Variants in PDGFC observed in about 807,000 individuals in gnomAD.
The protein encoded by PDGFC is platelet derived growth factor C, also known as platelet-derived growth factor C.
Under a neutral mutation model 35.5 loss-of-function variants are expected in PDGFC, and 12 were observed. That is an observed-to-expected ratio of 0.34 (90% confidence interval 0.22 to 0.55). The LOEUF is 0.55. Among genes scored for constraint, PDGFC ranks in the 20% least tolerant of loss-of-function variants. The pLI is 0.91. For synonymous variants in PDGFC, 159 were observed against 148.8 expected, an observed-to-expected ratio of 1.07 and a Z score of -0.50; for missense variants, 322 against 412.4, an observed-to-expected ratio of 0.78 and a Z score of 1.90.
At chr4:156,865,572 T>A (rs1411512376) in intron 1 of PDGFC, among the ~76,000 whole-genome samples, 1 of 152,182 alleles carries the variant, frequency 6.6e-6, no homozygotes, top group African/African-American at 2.4e-5. Flanking sequence ...TAGTCACTCA[T>A]GTGAATTATC....
At chr4:156,938,498 G>C (rs1731734178) in intron 1 of PDGFC, among the ~76,000 whole-genome samples, 1 of 152,104 alleles carries the variant, frequency 6.6e-6, no homozygotes, top group South Asian at 2.1e-4. Context: ...ATATTCCATA[G>C]ATTTCTTTAT....
At chr4:156,893,634 A>AAGAACCACCATACCCT (rs1730565603) in intron 1 of PDGFC, among the ~76,000 whole-genome samples, 1 of 151,604 alleles carries the variant, frequency 6.6e-6, no homozygotes, top group Non-Finnish European at 1.5e-5. Context: ...CACCATACCC[A>AAGAACCACCATACCCT]GCCTAAACGT....
At chr4:156,782,953 C>T (rs1368383382) in intron 3 of PDGFC, among the ~76,000 whole-genome samples, 1 of 152,098 alleles carries the variant, frequency 6.6e-6, no homozygotes, top group Non-Finnish European at 1.5e-5. Flanking sequence ...AACCTGTGTC[C>T]TTTAGGTAAT....
At chr4:156,776,874 T>G (rs749290864) in intron 3 of PDGFC, among the ~76,000 whole-genome samples, 2 of 152,160 alleles carry the variant, frequency 1.3e-5, no homozygotes, top group African/African-American at 4.8e-5. Flanking sequence ...CTACAAAATA[T>G]GGTAGCTATA....
Position 156,825,551 on chromosome 4 carries a change from AAATAATAATAAT to A in PDGFC, c.315-14546_315-14535del, listed in dbSNP as rs565531965. On this transcript the variant is annotated intron_variant, in intron 2 of 5. Transcript: ENST00000502773. Reference sequence around the variant, plus strand: ...TCTGACAGAGCAACACCCTGTCTCCAAATAATAATAATAATAATAATAATAATAATAATAATA... The same window carrying A: ...TCTGACAGAGCAACACCCTGTCTCCAAATAATAATAATAATAATAATAATA... 5.6e-3 allele frequency among the ~76,000 whole-genome samples: 524 copies of A among 93,880 alleles called. 12 individuals are homozygous for A. The highest frequency in any genetic ancestry group is 0.015 in the South Asian group (36 of 2,434). 61.6% of individuals were successfully genotyped at this position (93,880 alleles called of 152,430 possible).
chr4:156,856,283 G>A (rs1045307642), intron 1 of PDGFC, among the ~76,000 whole-genome samples: 1 of 152,142 alleles, frequency 6.6e-6, no homozygotes, highest in African/African-American at 2.4e-5. Context: ...TGTGGCTCCT[G>A]AGCTTATCCC....
At chr4:156,831,066 G>A (rs913078047) in intron 2 of PDGFC, among the ~76,000 whole-genome samples, 1 of 152,142 alleles carries the variant, frequency 6.6e-6, no homozygotes, top group Non-Finnish European at 1.5e-5. Context: ...ATTTAGCATG[G>A]TATTTCCTCC....
intron 3 of PDGFC, among the ~76,000 whole-genome samples, chr4:156,806,943 C>A (rs760814861): frequency 6.6e-6 from 1 of 151,782 alleles, no homozygotes; most frequent in African/African-American, 2.4e-5. Flanking sequence ...CAAACAGAAA[C>A]AAGCTTGCAC....
chr4:156,792,435 T>A (rs1731323036), intron 3 of PDGFC, among the ~76,000 whole-genome samples: 1 of 152,110 alleles, frequency 6.6e-6, no homozygotes, highest in African/African-American at 2.4e-5. Flanking sequence ...AGCACATTTT[T>A]AAAAACAAAA....
At chr4:156,831,739 G>A (rs1193794327) in intron 2 of PDGFC, among the ~76,000 whole-genome samples, 1 of 151,552 alleles carries the variant, frequency 6.6e-6, no homozygotes, top group African/African-American at 2.4e-5. Context: ...ACCACACCCG[G>A]CCAACCCTGT....
chr4:156,950,002 C>A (rs1732041371), intron 1 of PDGFC, among the ~76,000 whole-genome samples: 1 of 151,882 alleles, frequency 6.6e-6, no homozygotes, highest in African/African-American at 2.4e-5. Context: ...ACCAGCACTA[C>A]CTATGACATT....
At chr4:156,953,185 G>A (rs1255334881) in intron 1 of PDGFC, among the ~76,000 whole-genome samples, 2 of 151,868 alleles carry the variant, frequency 1.3e-5, no homozygotes, top group Non-Finnish European at 2.9e-5. Context: ...CTTTTATCCT[G>A]TAAACGAGAA....
At chr4:156,872,429 G>C (rs749022821) in intron 1 of PDGFC, among the ~76,000 whole-genome samples, 6 of 152,092 alleles carry the variant, frequency 3.9e-5, no homozygotes, top group Non-Finnish European at 7.4e-5. Flanking sequence ...ACTCCAATTG[G>C]AACACACCAT....
intron 1 of PDGFC, among the ~76,000 whole-genome samples, chr4:156,878,587 T>C (rs1025038494): frequency 1.3e-5 from 2 of 152,176 alleles, no homozygotes; most frequent in Admixed American, 1.3e-4. Flanking sequence ...TTTAAGATTT[T>C]GTAATATTTG....
chr4:156,919,453 C>G (rs900527425), intron 1 of PDGFC, among the ~76,000 whole-genome samples: 1 of 151,532 alleles, frequency 6.6e-6, no homozygotes, highest in Admixed American at 6.6e-5. Context: ...AGCAGACAGC[C>G]CAAGTGGCAG....
intron 1 of PDGFC, among the ~76,000 whole-genome samples, chr4:156,956,451 T>C (rs1732212256): frequency 6.6e-6 from 1 of 152,052 alleles, no homozygotes; most frequent in Admixed American, 6.6e-5. Context: ...TTACAGTTTA[T>C]GAAGCACCAA....
In PDGFC at chr4:156,905,674, A is replaced by T. The variant is rs745996229; in HGVS notation, c.119-55258T>A. Reference sequence around the variant, plus strand: ...GTTCTCTCTCCTGTCAACCATTCAGAATATCTGCATCTAATCACTGCTTCA... The same window carrying T: ...GTTCTCTCTCCTGTCAACCATTCAGTATATCTGCATCTAATCACTGCTTCA... On this transcript the variant is annotated intron_variant, in intron 1 of 5. Transcript: ENST00000502773. 3.6e-4 allele frequency among the ~76,000 whole-genome samples: 55 copies of T among 152,114 alleles called. 1 individual carries two copies. Among genetic ancestry groups the T allele is most frequent in the Non-Finnish European group, 7.4e-4 (50 of 67,984 alleles).
intron 1 of PDGFC, among the ~76,000 whole-genome samples, chr4:156,862,969 A>G (rs1729752195): frequency 6.6e-6 from 1 of 152,166 alleles, no homozygotes; most frequent in Admixed American, 6.6e-5. Context: ...CTTGGATTAT[A>G]GGCCTGAGCC....
At chr4:156,840,508 A>G (rs1272659791) in intron 2 of PDGFC, among the ~76,000 whole-genome samples, 1 of 152,258 alleles carries the variant, frequency 6.6e-6, no homozygotes, top group Non-Finnish European at 1.5e-5. Flanking sequence ...TGGAGCCCTC[A>G]TGGAGAACCT....
Sources: gnomAD v4.1 joint callset for allele counts (sites outside exome capture counted in the v4.1 genomes callset) on GRCh38, gnomAD v4.1.1 for gene constraint, MANE v1.5 for transcripts, NCBI Gene and HGNC (gene_info 2026-07-23, HGNC 2026-07-21) for gene names.